Variants in CDC42BPB observed in about 807,000 individuals in gnomAD.
CDC42BPB encodes CDC42 binding protein kinase beta.
A neutral mutation model predicts 214.9 loss-of-function variants in CDC42BPB; 37 were observed. That is an observed-to-expected ratio of 0.17 (90% CI 0.13 to 0.23). The LOEUF (loss-of-function observed/expected upper bound fraction) is 0.23. CDC42BPB is among the 10% of genes least tolerant of loss of function. The pLI is 1.00. For synonymous variants in CDC42BPB, 931 were observed against 884.0 expected (o/e 1.05, Z -0.94); for missense variants, 1,694 against 2,227.0 (o/e 0.76, Z 4.82).
chr14:102,977,771 T>A (rs1893823046), intron 9 of CDC42BPB, among the ~76,000 whole-genome samples: 3 of 152,054 alleles, frequency 2.0e-5, no homozygotes, highest in Non-Finnish European at 2.9e-5. Context: ...CTCACCCCCC[T>A]GGCCTCTGGG....
chr14:102,952,428 C>T (rs1346186067), intron 24 of CDC42BPB, 70 bp downstream of exon 24: 21 of 945,578 alleles, frequency 2.2e-5, no homozygotes, highest in East Asian at 5.2e-5. Context: ...GCCCTGGAGC[C>T]GGCTGGTGCC....
At chr14:102,946,238 T>C (rs1892168869) in intron 28 of CDC42BPB, among the ~76,000 whole-genome samples, 1 of 152,178 alleles carries the variant, frequency 6.6e-6, no homozygotes, top group African/African-American at 2.4e-5. Context: ...TTAGCCAGGA[T>C]GGTCTCAACC....
chr14:102,998,881 C>A (rs1441974192), intron 5 of CDC42BPB, among the ~76,000 whole-genome samples: 1 of 151,952 alleles, frequency 6.6e-6, no homozygotes, highest in Non-Finnish European at 1.5e-5. Flanking sequence ...CTGAGCCCCA[C>A]GTGAGCCCCA....
chr14:102,959,154 G>A lies in CDC42BPB; in HGVS notation c.2901+477C>T, dbSNP rs182031424. ...TCTACTAAAAATACAAAAATTAGCC[G>A]GGCGTGGTGGTGGGTGCCTGTAGTC... On this transcript the variant is annotated intron_variant, in intron 21 of 36. Transcript: ENST00000361246. 1.8e-4 allele frequency among the ~76,000 whole-genome samples: 28 copies of A among 151,838 alleles called. No homozygotes were observed. In the East Asian group the frequency reaches 3.9e-3, roughly 21 times the overall value.
chr14:102,978,448 G>T, intron 8 of CDC42BPB: 1 of 515,650 alleles, frequency 1.9e-6, no homozygotes, highest in Non-Finnish European at 2.5e-6. Flanking sequence ...TTTCGATGAT[G>T]ACAGTGGCAC....
In CDC42BPB at chr14:102,933,680, A is replaced by AG; in HGVS notation, c.*31dup. 1 of 1,417,892 alleles carries AG rather than the reference A, an allele frequency of 7.1e-7. No homozygotes were observed. Among genetic ancestry groups the AG allele is most frequent in the Admixed American group, 3.7e-5 (1 of 26,830 alleles). 87.8% of individuals were successfully genotyped at this position (1,417,892 alleles called of 1,614,324 possible). On this transcript the variant is annotated 3_prime_UTR_variant, in exon 37 of 37. Transcript: ENST00000361246. ...GGCACTGACGCTGGAGGCCATCTCC[A>AG]GCTCCCTGGCCCCTGTGGCGAGCTG...
At chr14:102,966,467 T>C in intron 17 of CDC42BPB, 80 bp from the exon 18 acceptor site, 3 of 1,568,446 alleles carry the variant, frequency 1.9e-6, no homozygotes, top group Non-Finnish European at 2.6e-6. Context: ...CGTTCCCGCC[T>C]TCCTCGGCAC....
chr14:102,995,872 C>CA (rs1894706371), intron 5 of CDC42BPB, among the ~76,000 whole-genome samples: 1 of 152,372 alleles, frequency 6.6e-6, no homozygotes, highest in East Asian at 1.9e-4. Context: ...ACAATGCCCC[C>CA]ACCTGAGACT....
At chr14:102,978,396 T>C in intron 8 of CDC42BPB, 191 bp from the exon 9 acceptor site, 2 of 942,258 alleles carry the variant, frequency 2.1e-6, no homozygotes, top group Non-Finnish European at 2.5e-6. Context: ...CCTGGCCCTG[T>C]ACGCTGTATG....
chr14:102,950,001 T>G, intron 25 of CDC42BPB, 97 bp from the exon 26 acceptor site: 1 of 1,560,712 alleles, frequency 6.4e-7, no homozygotes, highest in Non-Finnish European at 8.6e-7. Flanking sequence ...GCTGCCAGGC[T>G]GGCGGCAGAG....
rs56158661 is a variant in CDC42BPB, at chr14:102,980,955, G to A, written c.958C>T (p.Leu320=). The change falls in exon 8 of 37, where the codon CTG becomes TTG. Residue 320 remains leucine, a synonymous_variant. Transcript: ENST00000361246. ...SEEAKDLIQR[L]ICSRERRLGQ... ...AGCCGGCGTTCTCTACTGCAGATCA[G>A]TCTCTGGATGAGGTCCTTCGCTTCT... 8.0e-3 allele frequency: 12,874 copies of A among 1,614,186 alleles called. 96 individuals carry two copies. Among genetic ancestry groups the A allele is most frequent in the Middle Eastern group, 0.015 (90 of 6,060 alleles).
At position 102,943,858 on chromosome 14, in the gene CDC42BPB, A is replaced by T. The variant is rs1892015673; in HGVS notation, c.4408+33T>A. The T allele has an allele frequency of 6.4e-7, 1 of 1,557,732 alleles. No individual in the cohort carries two copies. Among genetic ancestry groups the T allele is most frequent in the Admixed American group, 1.9e-5 (1 of 54,014 alleles). ...GCTGACTGTCGGTGGGAAAAGCAGC[A>T]ACAGGGATATGCAACAGAAAACATA... On this transcript the variant is annotated intron_variant, in intron 30 of 36. Coordinates refer to ENST00000361246, the MANE Select transcript of CDC42BPB (RefSeq NM_006035.4). This position sits in a 1 kb window ranked among gnomAD's most constrained non-coding sequence, Gnocchi z 4.6.
chr14:102,939,997 G>T, intron 32 of CDC42BPB, 49 bp downstream of exon 32: 2 of 1,613,716 alleles, frequency 1.2e-6, no homozygotes, highest in Non-Finnish European at 1.7e-6. Flanking sequence ...AGGGACACAC[G>T]CCCCTCCAAC....
At chr14:102,980,071 G>A (rs1893930122) in intron 8 of CDC42BPB, among the ~76,000 whole-genome samples, 1 of 152,132 alleles carries the variant, frequency 6.6e-6, no homozygotes, top group South Asian at 2.1e-4. Flanking sequence ...TAACTGAGAG[G>A]CCGCCACACT....
Position 102,942,418 on chromosome 14 carries a change from T to C in CDC42BPB, c.4408+1473A>G, listed in dbSNP as rs571863710. Among the ~76,000 whole-genome samples the C allele has an allele frequency of 1.2e-4, 19 of 152,332 alleles. No individual in the cohort carries two copies. In the South Asian group the frequency reaches 3.7e-3, roughly 30 times the overall value. ...TTAGCTTCAGGTAACTGAGGGAGAA[T>C]GTCATTCCCCAACTCTTGGCCTGTT... On this transcript the variant is annotated intron_variant, in intron 30 of 36. Coordinates refer to ENST00000361246, the MANE Select transcript of CDC42BPB (RefSeq NM_006035.4).
intron 5 of CDC42BPB, among the ~76,000 whole-genome samples, chr14:102,992,103 TG>T (rs1330318983): frequency 6.7e-6 from 1 of 149,554 alleles, no homozygotes. Flanking sequence ...CATAGCACTG[TG>T]GGGGGGATGA....
intron 1 of CDC42BPB, among the ~76,000 whole-genome samples, chr14:103,047,704 G>A (rs1192570366): frequency 6.6e-6 from 1 of 152,134 alleles, no homozygotes; most frequent in Admixed American, 6.5e-5. Context: ...AGGAGTTCGA[G>A]ACCAGTCTGG....
At position 103,001,133 on chromosome 14, in the gene CDC42BPB, A is replaced by G. The variant is rs1169454324; in HGVS notation, c.448-1420T>C. ...TCTCCACAGCTGTCCCACCCTGTGG[A>G]GTCTTCCTCAAGCCTCCCTGCCACC... On this transcript the variant is annotated intron_variant, in intron 4 of 36. Transcript: ENST00000361246. The surrounding 1 kb of genome is among the most constrained non-coding windows in gnomAD (Gnocchi z 5.8). Among the ~76,000 whole-genome samples the G allele has an allele frequency of 2.6e-5, 4 of 152,088 alleles. No individual in the cohort carries two copies. The highest frequency in any genetic ancestry group is 5.9e-5 in the Non-Finnish European group (4 of 67,992).
At chr14:103,024,635 G>A (rs1005774757) in intron 1 of CDC42BPB, among the ~76,000 whole-genome samples, 4 of 152,166 alleles carry the variant, frequency 2.6e-5, no homozygotes, top group Non-Finnish European at 5.9e-5. Context: ...ACTTGAGAAG[G>A]CAGGATCTTT....
Sources: allele counts gnomAD v4.1 joint callset (sites outside exome capture counted in the v4.1 genomes callset), GRCh38; gene constraint gnomAD v4.1.1; non-coding constraint Gnocchi (gnomAD v3.1); transcripts MANE v1.5; gene names NCBI Gene and HGNC (gene_info 2026-07-23, HGNC 2026-07-21).